FRMD6: variants seen among roughly 807,000 people sequenced by gnomAD.
The protein encoded by FRMD6 is FERM domain containing 6.
In FRMD6, 37 loss-of-function variants were observed where a neutral mutation model predicts 73.2. That is an observed-to-expected ratio of 0.51 (90% CI 0.39 to 0.66). The LOEUF (loss-of-function observed/expected upper bound fraction) is 0.66, where lower values mean the gene tolerates loss of function less well. FRMD6 is among the 30% of genes least tolerant of loss of function. The probability of loss-of-function intolerance (pLI) is 0.00; values close to 1 mark genes in which losing one functional copy is unlikely to be tolerated. For synonymous variants in FRMD6, 273 were observed against 282.2 expected (o/e 0.97, Z 0.33); for missense variants, 714 against 780.5 (o/e 0.91, Z 1.02).
the FRMD6 span, among the ~76,000 whole-genome samples, chr14:51,422,952 C>A: frequency 6.6e-6 from 1 of 152,214 alleles, no homozygotes; most frequent in Non-Finnish European, 1.5e-5. Flanking sequence ...TGATGTATGT[C>A]ACTCTGGGAG....
At chr14:51,694,025 A>AT (rs1895780244) in intron 2 of FRMD6, among the ~76,000 whole-genome samples, 1 of 152,166 alleles carries the variant, frequency 6.6e-6, no homozygotes, top group Non-Finnish European at 1.5e-5. Flanking sequence ...TTATTAACTA[A>AT]TTTTTTCATA....
chr14:51,471,426 A>G, the FRMD6 span, among the ~76,000 whole-genome samples: 6 of 151,540 alleles, frequency 4.0e-5, no homozygotes, highest in Admixed American at 1.3e-4. Context: ...GCGTGAACCC[A>G]GGAGGCGGAG....
At chr14:51,439,510 G>A in the FRMD6 span, among the ~76,000 whole-genome samples, 1 of 152,132 alleles carries the variant, frequency 6.6e-6, no homozygotes, top group Non-Finnish European at 1.5e-5. Context: ...GTAAAACTCT[G>A]TCAAGGTTGG....
chr14:51,698,390 T>A (rs1219144703), intron 3 of FRMD6, among the ~76,000 whole-genome samples, 158 bp downstream of exon 3: 1 of 152,146 alleles, frequency 6.6e-6, no homozygotes, highest in African/African-American at 2.4e-5. Flanking sequence ...AGTATTTAAT[T>A]TTTTAATCTC....
the FRMD6 span, among the ~76,000 whole-genome samples, chr14:51,430,228 CTG>C: frequency 3.0e-4 from 45 of 152,160 alleles, no homozygotes; most frequent in Non-Finnish European, 5.1e-4. Flanking sequence ...ACAAATCCCT[CTG>C]TGAGTTTTCA....
the FRMD6 span, among the ~76,000 whole-genome samples, chr14:51,440,661 A>G: frequency 1.3e-5 from 2 of 152,238 alleles, no homozygotes; most frequent in African/African-American, 4.8e-5. Flanking sequence ...ACATAGAGCC[A>G]AGCAAATGTA....
At chr14:51,644,093 G>C (rs1264960007) in intron 2 of FRMD6, among the ~76,000 whole-genome samples, 1 of 146,894 alleles carries the variant, frequency 6.8e-6, no homozygotes, top group Non-Finnish European at 1.5e-5. Flanking sequence ...TCAATGCAGG[G>C]GGAAGGCTAA....
intron 2 of FRMD6, among the ~76,000 whole-genome samples, chr14:51,609,580 C>T (rs967814752): frequency 1.7e-4 from 26 of 152,138 alleles, no homozygotes; most frequent in Non-Finnish European, 2.4e-4. Flanking sequence ...GAGCAACATT[C>T]CTGGCAGAGA....
intron 2 of FRMD6, among the ~76,000 whole-genome samples, chr14:51,606,716 G>A (rs1287313054): frequency 1.3e-5 from 2 of 152,130 alleles, no homozygotes; most frequent in African/African-American, 4.8e-5. Flanking sequence ...AGGGGAATTG[G>A]CTCATGCAAA....
At chr14:51,623,511 G>T (rs894399231) in intron 2 of FRMD6, among the ~76,000 whole-genome samples, 19 of 152,244 alleles carry the variant, frequency 1.2e-4, no homozygotes, top group African/African-American at 4.3e-4. Flanking sequence ...TTTTTGAAAG[G>T]ACACACAGAT....
chr14:51,690,628 C>T (rs1035020080), intron 2 of FRMD6, among the ~76,000 whole-genome samples: 5 of 152,150 alleles, frequency 3.3e-5, no homozygotes, highest in Admixed American at 1.3e-4. Context: ...TCAGGTGATC[C>T]GCGTCAGCCT....
chr14:51,576,789 A>G (rs543774198), intron 2 of FRMD6, among the ~76,000 whole-genome samples: 1 of 152,338 alleles, frequency 6.6e-6, no homozygotes, highest in Non-Finnish European at 1.5e-5. Context: ...CACTTGGGCC[A>G]TCTTGTCTGG....
chr14:51,532,299 G>A (rs1379814406), intron 1 of FRMD6, among the ~76,000 whole-genome samples: 2 of 151,186 alleles, frequency 1.3e-5, no homozygotes, highest in Admixed American at 6.6e-5. Flanking sequence ...AACCCAGGAG[G>A]TGGAGCTTGC....
chr14:51,688,471 A>C (rs1429689033), intron 1 of FRMD6, among the ~76,000 whole-genome samples: 1 of 152,146 alleles, frequency 6.6e-6, no homozygotes, highest in Non-Finnish European at 1.5e-5. Context: ...CCTCCTGCTG[A>C]TAAGAGTTAT....
chr14:51,719,955 C>T, intron 10 of FRMD6, 100 bp from the exon 11 acceptor site: 1 of 854,202 alleles, frequency 1.2e-6, no homozygotes, highest in Non-Finnish European at 1.8e-6. Context: ...TCACTAGATT[C>T]TGAATTTGAA....
At chr14:51,545,850 G>A (rs1435530726) in intron 1 of FRMD6, among the ~76,000 whole-genome samples, 1 of 152,040 alleles carries the variant, frequency 6.6e-6, no homozygotes, top group Non-Finnish European at 1.5e-5. Flanking sequence ...CAGCATACAA[G>A]GGAATATGTT....
the FRMD6 span, among the ~76,000 whole-genome samples, chr14:51,432,305 C>G: frequency 6.6e-6 from 1 of 152,142 alleles, no homozygotes; most frequent in Admixed American, 6.6e-5. Flanking sequence ...TAAGGCTCCC[C>G]TGGCAGTACT....
intron 1 of FRMD6, among the ~76,000 whole-genome samples, chr14:51,524,425 T>G (rs2140306387): frequency 6.6e-6 from 1 of 152,264 alleles, no homozygotes; most frequent in East Asian, 1.9e-4. Flanking sequence ...TAGTAGGTGT[T>G]TTGCGGGGAG....
intron 1 of FRMD6, among the ~76,000 whole-genome samples, chr14:51,536,724 C>T (rs534619748): frequency 1.3e-5 from 2 of 152,254 alleles, no homozygotes; most frequent in South Asian, 2.1e-4. Flanking sequence ...GCCTCTTGTC[C>T]ATATTTTTAA....
Sources: gnomAD v4.1 joint callset for allele counts (sites outside exome capture counted in the v4.1 genomes callset) on GRCh38, gnomAD v4.1.1 for gene constraint, MANE v1.5 for transcripts, NCBI Gene and HGNC (gene_info 2026-07-23, HGNC 2026-07-21) for gene names.